The following OPN3 variants were observed in gnomAD, a reference collection of about 807,000 sequenced individuals.
OPN3 encodes opsin-3.
OPN3 carries 29 observed loss-of-function variants against 33.8 expected under a neutral mutation model. That is an observed-to-expected ratio of 0.86 (90% CI 0.64 to 1.17). The LOEUF (loss-of-function observed/expected upper bound fraction) is 1.17. OPN3 is among the 50% of genes most tolerant of loss of function. The probability of loss-of-function intolerance (pLI) is 0.00; values close to 1 mark genes in which losing one functional copy is unlikely to be tolerated. For synonymous variants in OPN3, 216 were observed against 216.1 expected (o/e 1.00, Z 0.00); for missense variants, 437 against 514.1 (o/e 0.85, Z 1.45).
At position 241,594,116 on chromosome 1, in the gene OPN3, T is replaced by C. The variant is rs1663420427; in HGVS notation, c.*312A>G. On this transcript the variant is annotated 3_prime_UTR_variant, in exon 4 of 4. Transcript: ENST00000366554. Reference sequence around the variant, plus strand: ...TTCGAGAAAAATGCATTACGTGTTTTGGAAAATAGAGTAATTTAAAAAATA... The same window carrying C: ...TTCGAGAAAAATGCATTACGTGTTTCGGAAAATAGAGTAATTTAAAAAATA... The C allele has an allele frequency of 1.0e-5, 3 of 295,494 alleles. No individual in the cohort carries two copies. The South Asian group carries it at 1.9e-4, about 19-fold the overall frequency. The allele number at this position is 295,494 out of a possible 1,614,324, so 18.3% of individuals were successfully genotyped here. A position where few individuals can be genotyped will look rare whatever the true frequency, so the allele number is the denominator to read the frequency against.
chr1:241,601,880 A>T (rs1663687225), intron 2 of OPN3, among the ~76,000 whole-genome samples: 1 of 152,246 alleles, frequency 6.6e-6, no homozygotes, highest in Admixed American at 6.5e-5. Context: ...AATGATGACT[A>T]TTCAATGAGA....
Position 241,604,526 on chromosome 1 carries a change from C to T in OPN3, c.427G>A (p.Val143Met), listed in dbSNP as rs745934994. ...AAATTGATCACTCTGGCATGGACCA[C>T]GCGAATGTAACGTTCATAGGCCAGC... ...TVLAYERYIRVVHARVINFSW... is the reference protein window; with the variant it reads ...TVLAYERYIRMVHARVINFSW... Residue 143 changes from valine (V) to methionine (M), a missense_variant, in exon 2 of 4, where the codon GTG becomes ATG. Transcript: ENST00000366554. 7 of 1,614,010 alleles carry T rather than the reference C, an allele frequency of 4.3e-6. No homozygotes were observed. Among genetic ancestry groups the T allele is most frequent in the Non-Finnish European group, 5.9e-6 (7 of 1,179,994 alleles).
At chr1:241,625,646 T>C (rs144663692) in intron 1 of OPN3, among the ~76,000 whole-genome samples, 18 of 152,244 alleles carry the variant, frequency 1.2e-4, no homozygotes, top group East Asian at 5.8e-4. Flanking sequence ...ACTGTGAAGA[T>C]TGGCGAGGGA....
intron 1 of OPN3, among the ~76,000 whole-genome samples, chr1:241,616,369 T>C (rs1664133033): frequency 6.6e-6 from 1 of 152,168 alleles, no homozygotes; most frequent in South Asian, 2.1e-4. Flanking sequence ...AAACTCTGTG[T>C]ATTTCTTGCA....
chr1:241,617,480 C>T (rs3753221), intron 1 of OPN3, among the ~76,000 whole-genome samples: 32,227 of 152,090 alleles, frequency 0.21, 3,795 homozygotes, highest in Non-Finnish European at 0.27. Context: ...ATGAGGGAAT[C>T]TCAGAGGCAC....
In OPN3 at chr1:241,604,651, C is replaced by T. The variant is rs41304147; in HGVS notation, c.374-72G>A. ...CCGGGCATAAGAGACGTGATACATTCTCCACTGGAAATACCTTACAGAGTA... is the reference window on the plus strand; with the variant it reads ...CCGGGCATAAGAGACGTGATACATTTTCCACTGGAAATACCTTACAGAGTA... On this transcript the variant is annotated intron_variant, in intron 1 of 3. Coordinates refer to ENST00000366554, the MANE Select transcript of OPN3 (RefSeq NM_014322.3). 6,764 of 1,336,350 alleles carry T rather than the reference C, an allele frequency of 5.1e-3. 26 individuals carry two copies. The highest frequency in any genetic ancestry group is 6.0e-3 in the Non-Finnish European group (5,801 of 970,684). The allele number at this position is 1,336,350 out of a possible 1,614,324, so 82.8% of individuals were successfully genotyped here.
At position 241,640,276 on chromosome 1, in the gene OPN3, G is replaced by A; in HGVS notation, c.-22C>T. ...ACATGGCCCGGCGCCGGCGCGCCTG[G>A]CGGGCGGAGGCGCTCAGCTTGCGGC... On this transcript the variant is annotated 5_prime_UTR_variant, in exon 1 of 4. Transcript: ENST00000366554. 8.6e-7 allele frequency: 1 copy of A among 1,168,846 alleles called. No individual in the cohort carries two copies. The highest frequency in any genetic ancestry group is 4.7e-5 in the Admixed American group (1 of 21,364). 72.4% of individuals were successfully genotyped at this position (1,168,846 alleles called of 1,614,324 possible).
At chr1:241,596,724 AC>A (rs1378711182) in intron 3 of OPN3, among the ~76,000 whole-genome samples, 1 of 152,216 alleles carries the variant, frequency 6.6e-6, no homozygotes, top group Non-Finnish European at 1.5e-5. Context: ...ATTCTCTGAA[AC>A]GTAGAGGCTC....
intron 2 of OPN3, among the ~76,000 whole-genome samples, chr1:241,603,980 G>A (rs779577652): frequency 4.6e-5 from 7 of 152,144 alleles, no homozygotes; most frequent in Non-Finnish European, 1.0e-4. Context: ...TAAGAGTGTT[G>A]GATAATGTAG....
At chr1:241,604,652 T>C in intron 1 of OPN3, 73 bp from the exon 2 acceptor site, 1 of 1,326,808 alleles carries the variant, frequency 7.5e-7, no homozygotes, top group South Asian at 1.4e-5. Flanking sequence ...TGATACATTC[T>C]CCACTGGAAA....
intron 3 of OPN3, among the ~76,000 whole-genome samples, chr1:241,596,425 C>A (rs1412754341): frequency 6.6e-6 from 1 of 151,976 alleles, no homozygotes; most frequent in Non-Finnish European, 1.5e-5. Flanking sequence ...GGAAATAGAC[C>A]AATTGAAGGC....
intron 1 of OPN3, among the ~76,000 whole-genome samples, chr1:241,609,868 G>A (rs1013215008): frequency 6.6e-6 from 1 of 152,184 alleles, no homozygotes; most frequent in Non-Finnish European, 1.5e-5. Context: ...GTCACTACAG[G>A]GGATGGCGCA....
At chr1:241,634,625 C>A in intron 1 of OPN3, 2 of 1,613,838 alleles carry the variant, frequency 1.2e-6, no homozygotes, top group Non-Finnish European at 1.7e-6. Flanking sequence ...TTCTCCTTGG[C>A]CATACAAGGG....
chr1:241,596,475 T>G (rs1484469946), intron 3 of OPN3, among the ~76,000 whole-genome samples: 1 of 152,096 alleles, frequency 6.6e-6, no homozygotes, highest in Non-Finnish European at 1.5e-5. Flanking sequence ...GAGAGGAGAT[T>G]AAGGCAGGTG....
chr1:241,623,407 T>C (rs1388600066), intron 1 of OPN3, among the ~76,000 whole-genome samples: 1 of 152,214 alleles, frequency 6.6e-6, no homozygotes, highest in African/African-American at 2.4e-5. Flanking sequence ...CATTCTTGCC[T>C]CTCCTCGATT....
intron 1 of OPN3, among the ~76,000 whole-genome samples, chr1:241,627,683 T>G (rs188698368): frequency 2.8e-4 from 42 of 152,300 alleles, no homozygotes; most frequent in African/African-American, 9.4e-4. Context: ...CTGTGCCCCC[T>G]GCTGTTGAAA....
chr1:241,599,520 C>A (rs1663624827), intron 2 of OPN3, among the ~76,000 whole-genome samples: 1 of 151,998 alleles, frequency 6.6e-6, no homozygotes. Flanking sequence ...ACGGCAAAAA[C>A]CGCAATTACT....
At position 241,618,689 on chromosome 1, in the gene OPN3, G is replaced by A. The variant is rs1228108798; in HGVS notation, c.374-14110C>T. Among the ~76,000 whole-genome samples, 7 of 152,122 alleles carry A rather than the reference G, an allele frequency of 4.6e-5. No individual in the cohort carries two copies. In the East Asian group the frequency reaches 9.6e-4, roughly 21 times the overall value. On this transcript the variant is annotated intron_variant, in intron 1 of 3. Coordinates refer to ENST00000366554, the MANE Select transcript of OPN3 (RefSeq NM_014322.3). ...CCATCGTTTTCAGCAGAGCAACACC[G>A]CCATCGTTCTGTGTCTCTTTGTGCA...
At chr1:241,634,471 T>A (rs1664790009) in intron 1 of OPN3, 2 of 1,613,760 alleles carry the variant, frequency 1.2e-6, no homozygotes, top group South Asian at 1.1e-5. Context: ...CAATAAAATA[T>A]TTAGCATTTA....
Sources: allele counts gnomAD v4.1 joint callset (sites outside exome capture counted in the v4.1 genomes callset), GRCh38; gene constraint gnomAD v4.1.1; transcripts MANE v1.5; gene names NCBI Gene and HGNC (gene_info 2026-07-23, HGNC 2026-07-21).